The following TENM4 variants were observed in gnomAD, a reference collection of about 807,000 sequenced individuals.
TENM4 encodes teneurin transmembrane protein 4.
In TENM4, 82 loss-of-function variants were observed where a neutral mutation model predicts 243.3. That is an observed-to-expected ratio of 0.34 (90% CI 0.28 to 0.40). The LOEUF is 0.40. TENM4 is among the 10% of genes least tolerant of loss of function. The pLI, the probability that TENM4 is intolerant of heterozygous loss-of-function variation, is 1.00. For missense variants in TENM4, 3,138 were observed against 3,673.3 expected (o/e 0.85, Z 3.77); for synonymous variants, 1,412 against 1,456.3 (o/e 0.97, Z 0.69).
At chr11:78,888,652 A>G (rs970939864) in intron 9 of TENM4, among the ~76,000 whole-genome samples, 1 of 152,208 alleles carries the variant, frequency 6.6e-6, no homozygotes, top group Non-Finnish European at 1.5e-5. Context: ...CTACTTCTCA[A>G]GACAGCCCCT....
intron 2 of TENM4, among the ~76,000 whole-genome samples, chr11:79,265,026 A>C (rs1855859905): frequency 6.6e-6 from 1 of 152,190 alleles, no homozygotes; most frequent in African/African-American, 2.4e-5. Flanking sequence ...CCTGTAGACG[A>C]AGCATAACAC....
intron 1 of TENM4, among the ~76,000 whole-genome samples, chr11:79,374,604 G>A (rs1857854107): frequency 6.6e-6 from 1 of 151,642 alleles, no homozygotes; most frequent in Non-Finnish European, 1.5e-5. Flanking sequence ...ATCCTGAAGA[G>A]TTCAAAAATG....
At chr11:78,906,852 T>C (rs938398359) in intron 6 of TENM4, among the ~76,000 whole-genome samples, 1 of 152,192 alleles carries the variant, frequency 6.6e-6, no homozygotes, top group Non-Finnish European at 1.5e-5. Flanking sequence ...ACACAGAGCC[T>C]AGAACTGAGC....
At chr11:78,786,763 T>A in intron 16 of TENM4, 135 bp downstream of exon 16, 1 of 1,276,820 alleles carries the variant, frequency 7.8e-7, no homozygotes, top group Non-Finnish European at 1.1e-6. Flanking sequence ...ATGCCAGTCA[T>A]AATACCTCCA....
chr11:79,096,928 G>GCGCGCGCGCA (rs1491382120), intron 4 of TENM4: 2 of 133,886 alleles, frequency 1.5e-5, no homozygotes, highest in African/African-American at 5.3e-5. Context: ...GCGCGCGCGC[G>GCGCGCGCGCA]CACACACACA....
At chr11:79,334,126 G>T (rs1047572839) in intron 1 of TENM4, among the ~76,000 whole-genome samples, 1 of 152,178 alleles carries the variant, frequency 6.6e-6, no homozygotes, top group Non-Finnish European at 1.5e-5. Flanking sequence ...CAAAGTAAAT[G>T]GAATGAGAGC....
intron 4 of TENM4, among the ~76,000 whole-genome samples, chr11:79,145,727 A>C (rs961773707): frequency 6.6e-6 from 1 of 152,112 alleles, no homozygotes; most frequent in Non-Finnish European, 1.5e-5. Context: ...AGTGTCATCA[A>C]ACCAATTACA....
intron 4 of TENM4, among the ~76,000 whole-genome samples, chr11:79,075,245 G>A (rs1298147502): frequency 6.6e-6 from 1 of 152,214 alleles, no homozygotes; most frequent in Non-Finnish European, 1.5e-5. Flanking sequence ...GCTTAGAGAA[G>A]TAAAATAACT....
intron 1 of TENM4, among the ~76,000 whole-genome samples, chr11:79,400,310 A>ATTT (rs111841526): frequency 7.0e-6 from 1 of 142,930 alleles, no homozygotes; most frequent in South Asian, 2.3e-4. Context: ...TTCCTTAACC[A>ATTT]TTTTTTTTTT....
At chr11:79,291,109 G>C (rs1299418377) in intron 2 of TENM4, among the ~76,000 whole-genome samples, 1 of 152,160 alleles carries the variant, frequency 6.6e-6, no homozygotes, top group Non-Finnish European at 1.5e-5. Context: ...GGTGATGGTG[G>C]TGGGGGCAGA....
intron 4 of TENM4, among the ~76,000 whole-genome samples, chr11:79,101,802 T>C (rs1240713785): frequency 6.6e-6 from 1 of 152,218 alleles, no homozygotes. Flanking sequence ...GAGGCATTTA[T>C]GTTATAACTG....
intron 12 of TENM4, among the ~76,000 whole-genome samples, chr11:78,822,564 G>A (rs1392128816): frequency 1.3e-5 from 2 of 152,064 alleles, no homozygotes; most frequent in African/African-American, 4.8e-5. Context: ...CACACACTGG[G>A]GCCTGTTGTG....
intron 2 of TENM4, among the ~76,000 whole-genome samples, chr11:79,218,242 C>CCA: frequency 6.9e-6 from 1 of 145,114 alleles, no homozygotes; most frequent in African/African-American, 2.6e-5. Flanking sequence ...CCACCCACCC[C>CCA]CGACACACAC....
intron 3 of TENM4, among the ~76,000 whole-genome samples, chr11:79,149,881 G>A (rs1176252634): frequency 6.6e-6 from 1 of 152,218 alleles, no homozygotes; most frequent in East Asian, 1.9e-4. Context: ...GAAAGATCAA[G>A]GTATGCTCTT....
intron 18 of TENM4, among the ~76,000 whole-genome samples, chr11:78,760,435 T>C (rs534751569): frequency 1.3e-5 from 2 of 152,138 alleles, no homozygotes; most frequent in Admixed American, 6.5e-5. Context: ...ATATGCACAA[T>C]AGGGGAGAAA....
At chr11:79,329,554 G>T (rs1256499605) in intron 1 of TENM4, among the ~76,000 whole-genome samples, 1 of 152,210 alleles carries the variant, frequency 6.6e-6, no homozygotes, top group African/African-American at 2.4e-5. Flanking sequence ...CTATGCTGGG[G>T]GTGGTAGTCA....
intron 4 of TENM4, among the ~76,000 whole-genome samples, chr11:79,131,063 G>A (rs757623742): frequency 1.3e-4 from 20 of 152,022 alleles, no homozygotes; most frequent in Admixed American, 2.6e-4. Flanking sequence ...AATAATCAGC[G>A]TTCCTGAGAA....
chr11:78,868,338 A>C (rs1859038003), intron 9 of TENM4, among the ~76,000 whole-genome samples: 1 of 152,202 alleles, frequency 6.6e-6, no homozygotes, highest in Non-Finnish European at 1.5e-5. Flanking sequence ...TTTTCCCGTT[A>C]GACTAGTTTG....
intron 1 of TENM4, among the ~76,000 whole-genome samples, chr11:79,399,604 G>A (rs547125256): frequency 1.1e-3 from 175 of 152,232 alleles, no homozygotes; most frequent in African/African-American, 4.1e-3. Flanking sequence ...AACAGGCATC[G>A]AGTCTTGCTT....
Sources: gnomAD v4.1 joint callset for allele counts (sites outside exome capture counted in the v4.1 genomes callset) on GRCh38, gnomAD v4.1.1 for gene constraint, MANE v1.5 for transcripts, NCBI Gene and HGNC (gene_info 2026-07-23, HGNC 2026-07-21) for gene names.